The following GIPC2 variants were observed in gnomAD, a reference collection of about 807,000 sequenced individuals.
The protein encoded by GIPC2 is PDZ domain-containing protein GIPC2.
A neutral mutation model predicts 30.6 loss-of-function variants in GIPC2; 30 were observed. The ratio of observed to expected loss-of-function variants is 0.98; its 90% CI spans 0.73 to 1.33. GIPC2 has a LOEUF of 1.33. Among genes scored for constraint, GIPC2 ranks in the 40% most tolerant of loss-of-function variants. The pLI is 0.00. For missense variants in GIPC2, 414 were observed against 390.3 expected (o/e 1.06, Z -0.51); for synonymous variants, 167 against 150.0 (o/e 1.11, Z -0.83).
At chr1:78,070,447 A>G (rs892106238) in intron 1 of GIPC2, among the ~76,000 whole-genome samples, 1 of 152,206 alleles carries the variant, frequency 6.6e-6, no homozygotes, top group African/African-American at 2.4e-5. Flanking sequence ...TCAAATTGGC[A>G]TGCAATGTTG....
chr1:78,084,405 G>A (rs899780866), intron 2 of GIPC2, among the ~76,000 whole-genome samples: 1 of 151,792 alleles, frequency 6.6e-6, no homozygotes, highest in Non-Finnish European at 1.5e-5. Flanking sequence ...CAGCTACTTG[G>A]GAGGCCAAGA....
intron 1 of GIPC2, among the ~76,000 whole-genome samples, chr1:78,068,279 C>T (rs1661558319): frequency 6.6e-6 from 1 of 152,108 alleles, no homozygotes; most frequent in Non-Finnish European, 1.5e-5. Flanking sequence ...TCCAACTCTC[C>T]CCATACTCAT....
chr1:78,059,402 T>C (rs1055479880), intron 1 of GIPC2, among the ~76,000 whole-genome samples: 22 of 152,226 alleles, frequency 1.4e-4, no homozygotes, highest in African/African-American at 5.3e-4. Flanking sequence ...TGCAAGTGGC[T>C]TGACTATAGA....
intron 1 of GIPC2, among the ~76,000 whole-genome samples, chr1:78,068,079 T>C (rs1236687824): frequency 6.6e-6 from 1 of 152,212 alleles, no homozygotes; most frequent in Non-Finnish European, 1.5e-5. Flanking sequence ...AATAATACAA[T>C]TTATTCAGAA....
At chr1:78,091,415 G>A (rs75422715) in intron 2 of GIPC2, 9,808 of 547,730 alleles carry the variant, frequency 0.018, 119 homozygotes, top group Non-Finnish European at 0.022. Context: ...GAGCCGATAA[G>A]GCGGCCGCAG....
Position 78,061,493 on chromosome 1 carries a change from G to T in GIPC2, c.240+15159G>T, listed in dbSNP as rs557649365. Among the ~76,000 whole-genome samples the T allele has an allele frequency of 1.6e-3, 246 of 151,286 alleles. 1 individual carries two copies. The highest frequency in any genetic ancestry group is 5.9e-4 in the East Asian group (3 of 5,122). ...GTCAGTGGTAGAATGGTTTTTTTTT[G>T]TTTGTTTTTTTTTTGTTTTGTTTTT... is the stretch of plus-strand genomic sequence containing the variant. On this transcript the variant is annotated intron_variant, in intron 1 of 5. Transcript: ENST00000370759.
intron 1 of GIPC2, among the ~76,000 whole-genome samples, chr1:78,059,436 T>C (rs1239578602): frequency 3.9e-5 from 6 of 152,310 alleles, no homozygotes; most frequent in Non-Finnish European, 5.9e-5. Flanking sequence ...GTAGAGACCC[T>C]GGTGTATCTA....
At chr1:78,056,302 C>T (rs938989285) in intron 1 of GIPC2, among the ~76,000 whole-genome samples, 5 of 151,884 alleles carry the variant, frequency 3.3e-5, no homozygotes, top group Non-Finnish European at 5.9e-5. Flanking sequence ...ATGGTGAAAC[C>T]CCGTCTCCAC....
chr1:78,104,358 A>T (rs1662304731), intron 3 of GIPC2, among the ~76,000 whole-genome samples: 2 of 152,178 alleles, frequency 1.3e-5, no homozygotes, highest in African/African-American at 4.8e-5. Context: ...AGCTCTTATT[A>T]ATAGCTCTGG....
intron 1 of GIPC2, among the ~76,000 whole-genome samples, chr1:78,060,199 AC>A (rs1488240609): frequency 1.3e-5 from 2 of 150,496 alleles, no homozygotes; most frequent in Admixed American, 1.3e-4. Flanking sequence ...TTTTTTTGAG[AC>A]CCACAGTGAT....
At chr1:78,081,743 A>T (rs1258107137) in intron 2 of GIPC2, among the ~76,000 whole-genome samples, 2 of 152,230 alleles carry the variant, frequency 1.3e-5, no homozygotes, top group African/African-American at 4.8e-5. Flanking sequence ...TGTAATAGTT[A>T]TAATAGTAAC....
At chr1:78,125,795 C>A in intron 4 of GIPC2, 86 bp from the exon 5 acceptor site, 1 of 719,590 alleles carries the variant, frequency 1.4e-6, no homozygotes, top group South Asian at 1.6e-5. Context: ...TATGAACCGG[C>A]TCCACATCAG....
intron 5 of GIPC2, among the ~76,000 whole-genome samples, chr1:78,127,768 C>T (rs1242905607): frequency 1.3e-5 from 2 of 152,226 alleles, no homozygotes; most frequent in African/African-American, 4.8e-5. Flanking sequence ...TAGCTCACTG[C>T]AGCCTTGATG....
chr1:78,110,369 T>C (rs1352432384), intron 3 of GIPC2, among the ~76,000 whole-genome samples: 1 of 152,212 alleles, frequency 6.6e-6, no homozygotes, highest in Non-Finnish European at 1.5e-5. Context: ...TTTGAATTTT[T>C]ATGAGAAATC....
intron 1 of GIPC2, among the ~76,000 whole-genome samples, chr1:78,051,140 TA>T (rs993042862): frequency 2.7e-5 from 4 of 146,222 alleles, no homozygotes; most frequent in South Asian, 2.1e-4. Flanking sequence ...AGACGTATAA[TA>T]AAAAAAAGAA....
At chr1:78,071,739 A>G (rs1661623741) in intron 1 of GIPC2, among the ~76,000 whole-genome samples, 1 of 152,074 alleles carries the variant, frequency 6.6e-6, no homozygotes, top group Non-Finnish European at 1.5e-5. Context: ...AAAGTTTTAA[A>G]TTCAAAGCTG....
At position 78,046,273 on chromosome 1, in the gene GIPC2, T is replaced by C; in HGVS notation, c.179T>C (p.Phe60Ser). The C allele has an allele frequency of 3.1e-6, 5 of 1,611,772 alleles. No individual in the cohort carries two copies. The highest frequency in any genetic ancestry group is 4.2e-6 in the Non-Finnish European group (5 of 1,179,434). The change falls in exon 1 of 6, where the codon TTC becomes TCC. Residue 60 changes from phenylalanine to serine, a missense_variant. Coordinates refer to ENST00000370759, the MANE Select transcript of GIPC2 (RefSeq NM_017655.6). ...AGTGCCACGGGCCGAGTGGAGGGCT[T>C]CTCCAGCATCCAGGAGCTCTACGCC... is the stretch of plus-strand genomic sequence containing the variant. ...HGSATGRVEG[F>S]SSIQELYAQI...
chr1:78,047,533 T>C (rs1661118000), intron 1 of GIPC2, among the ~76,000 whole-genome samples: 1 of 152,120 alleles, frequency 6.6e-6, no homozygotes, highest in South Asian at 2.1e-4. Flanking sequence ...ATTTTTTTTT[T>C]TTCAAAAAAC....
At position 78,046,160 on chromosome 1, in the gene GIPC2, C is replaced by CGAGCCGACGGGCGCGGGCGGCGG. The variant is rs1553138572; in HGVS notation, c.72_94dup (p.Leu32ArgfsTer63). Reference sequence around the variant, plus strand: ...AGGAGACCGCCGGGCTGGTGGAGGGCGAGCCGACGGGCGCGGGCGGCGGGA... The same window carrying CGAGCCGACGGGCGCGGGCGGCGG: ...AGGAGACCGCCGGGCTGGTGGAGGGCGAGCCGACGGGCGCGGGCGGCGGGAGCCGACGGGCGCGGGCGGCGGGA... On this transcript the variant is annotated frameshift_variant, in exon 1 of 6. Coordinates refer to ENST00000370759, the MANE Select transcript of GIPC2 (RefSeq NM_017655.6). LOFTEE classifies it high-confidence loss of function. 1.1e-5 allele frequency: 17 copies of CGAGCCGACGGGCGCGGGCGGCGG among 1,551,790 alleles called. No individual in the cohort carries two copies. The highest frequency in any genetic ancestry group is 2.4e-5 in the South Asian group (2 of 84,180).
Sources: allele counts gnomAD v4.1 joint callset (sites outside exome capture counted in the v4.1 genomes callset), GRCh38; gene constraint gnomAD v4.1.1; transcripts MANE v1.5; gene names NCBI Gene and HGNC (gene_info 2026-07-23, HGNC 2026-07-21).